PCDHA5: variants seen among roughly 807,000 people sequenced by gnomAD.
The protein encoded by PCDHA5 is protocadherin alpha 5, also known as protocadherin alpha-5.
Under a neutral mutation model 61.6 loss-of-function variants are expected in PCDHA5, and 43 were observed. The ratio of observed to expected loss-of-function variants is 0.70; its 90% CI spans 0.55 to 0.90. PCDHA5 has a LOEUF of 0.90. Among genes scored for constraint, PCDHA5 ranks in the 40% least tolerant of loss-of-function variants. PCDHA5 has a pLI of 0.00. For missense variants in PCDHA5, 1,298 were observed against 1,222.7 expected (o/e 1.06, Z -0.92); for synonymous variants, 627 against 543.9 (o/e 1.15, Z -2.13).
chr5:140,858,128 G>A (rs782090771), intron 1 of PCDHA5: 11 of 1,597,872 alleles, frequency 6.9e-6, no homozygotes, highest in Non-Finnish European at 9.4e-6. Context: ...CCTGGTGGAT[G>A]TCAACGTGTA....
chr5:140,937,812 T>A (rs930837901), intron 1 of PCDHA5, among the ~76,000 whole-genome samples: 3 of 150,742 alleles, frequency 2.0e-5, no homozygotes, highest in Non-Finnish European at 4.4e-5. Flanking sequence ...CTCGGGAAGC[T>A]GAGGCAGGAG....
chr5:140,871,692 C>A, intron 1 of PCDHA5: 2 of 997,190 alleles, frequency 2.0e-6, no homozygotes, highest in Non-Finnish European at 2.9e-6. Flanking sequence ...AATCTGGCTT[C>A]TTTAACCAAT....
rs2150160493 is a variant in PCDHA5 at position 140,828,905 on chromosome 5, G to A, written c.2352+4778G>A. ...ACTGAATGCTTCTGATCGGGATGAA[G>A]GAGCGAATGGGGCAATTTCATATTC... On this transcript the variant is annotated intron_variant, in intron 1 of 3. Coordinates refer to ENST00000529859, the MANE Select transcript of PCDHA5 (RefSeq NM_018908.3). 3 of 1,614,136 alleles carry A rather than the reference G, an allele frequency of 1.9e-6. No individual in the cohort carries two copies. In the Admixed American group the frequency reaches 5.0e-5, roughly 27 times the overall value.
chr5:140,876,690 G>T, intron 1 of PCDHA5: 1 of 1,614,174 alleles, frequency 6.2e-7, no homozygotes, highest in Admixed American at 1.7e-5. Flanking sequence ...ATTACTACTC[G>T]TTGGTGCTGG....
intron 1 of PCDHA5, among the ~76,000 whole-genome samples, chr5:140,923,976 A>G (rs1257687753): frequency 6.6e-6 from 1 of 152,176 alleles, no homozygotes; most frequent in Non-Finnish European, 1.5e-5. Context: ...CACACATACT[A>G]TCCCTCTAGG....
At chr5:140,896,309 A>T (rs1554186897) in intron 1 of PCDHA5, among the ~76,000 whole-genome samples, 1 of 152,184 alleles carries the variant, frequency 6.6e-6, no homozygotes. Flanking sequence ...AAATCTTCAA[A>T]CTGCTTTCCA....
chr5:140,874,192 T>C (rs1263028873), intron 1 of PCDHA5, among the ~76,000 whole-genome samples: 4 of 152,224 alleles, frequency 2.6e-5, no homozygotes, highest in African/African-American at 9.6e-5. Flanking sequence ...GGTGTCATAT[T>C]TCAGTTGCCT....
intron 1 of PCDHA5, chr5:140,966,755 C>T (rs1554228616): frequency 7.0e-7 from 1 of 1,434,520 alleles, no homozygotes; most frequent in Admixed American, 2.7e-5. Context: ...GCCTCCGCCG[C>T]GGCCAGTGGC....
chr5:140,925,641 TATAATAATAATAATAATA>T (rs10569930), intron 1 of PCDHA5, among the ~76,000 whole-genome samples: 1 of 143,358 alleles, frequency 7.0e-6, no homozygotes, highest in African/African-American at 2.5e-5. Context: ...GAACTTAAAG[TATAATAATAATAATAATA>T]ATAATAATAA....
chr5:140,973,825 T>A (rs1253333011), intron 1 of PCDHA5, among the ~76,000 whole-genome samples: 5 of 152,246 alleles, frequency 3.3e-5, no homozygotes, highest in Non-Finnish European at 5.9e-5. Context: ...AAGTCAGTTC[T>A]GGGTACTTGC....
intron 1 of PCDHA5, among the ~76,000 whole-genome samples, chr5:140,958,853 G>T (rs897789588): frequency 1.3e-5 from 2 of 151,804 alleles, no homozygotes; most frequent in Non-Finnish European, 2.9e-5. Context: ...AGTGTCTTTG[G>T]TTTACTGGGT....
At chr5:140,978,319 A>G (rs1294780698) in intron 1 of PCDHA5, among the ~76,000 whole-genome samples, 2 of 152,216 alleles carry the variant, frequency 1.3e-5, no homozygotes, top group Admixed American at 1.3e-4. Context: ...AGCAGGAACA[A>G]GTACAAGTTT....
At chr5:140,826,840 A>T (rs1244045746) in intron 1 of PCDHA5, among the ~76,000 whole-genome samples, 1 of 152,186 alleles carries the variant, frequency 6.6e-6, no homozygotes, top group Non-Finnish European at 1.5e-5. Flanking sequence ...AAGTTTCTCA[A>T]GTGTCTTGCA....
chr5:140,883,995 C>A (rs1371206040), intron 1 of PCDHA5: 2 of 1,612,878 alleles, frequency 1.2e-6, no homozygotes, highest in Non-Finnish European at 8.5e-7. Flanking sequence ...GCGGGAGGCA[C>A]AGTGAGCGAG....
chr5:140,968,737 C>T, intron 1 of PCDHA5: 2 of 1,614,148 alleles, frequency 1.2e-6, no homozygotes, highest in Non-Finnish European at 1.7e-6. Flanking sequence ...GCACTTTCAA[C>T]CTGACCGTGG....
chr5:140,987,008 G>T (rs958548514), intron 3 of PCDHA5, among the ~76,000 whole-genome samples: 1 of 152,142 alleles, frequency 6.6e-6, no homozygotes, highest in Non-Finnish European at 1.5e-5. Context: ...GAGGTCATGA[G>T]TTCGAGACCA....
chr5:140,968,643 A>G (rs2096261293), intron 1 of PCDHA5: 1 of 1,614,198 alleles, frequency 6.2e-7, no homozygotes. Context: ...CATCTAGCCC[A>G]GACTTCTGAC....
chr5:140,915,626 GTC>G (rs57920489), intron 1 of PCDHA5, among the ~76,000 whole-genome samples: 12,146 of 145,794 alleles, frequency 0.083, 491 homozygotes, highest in Middle Eastern at 0.12. Context: ...GTCTCTTTCT[GTC>G]TCTCTCTCTC....
chr5:140,834,714 G>A (rs2150224744), intron 1 of PCDHA5: 2 of 1,614,274 alleles, frequency 1.2e-6, no homozygotes, highest in Admixed American at 1.7e-5. Flanking sequence ...GGTGATCGTG[G>A]AAAGGCCGCT....
Sources: gnomAD v4.1 joint callset for allele counts (sites outside exome capture counted in the v4.1 genomes callset) on GRCh38, gnomAD v4.1.1 for gene constraint, MANE v1.5 for transcripts, NCBI Gene and HGNC (gene_info 2026-07-23, HGNC 2026-07-21) for gene names.